The following ATP2A1 variants were observed in gnomAD, a reference collection of about 807,000 sequenced individuals.
ATP2A1 encodes the protein sarcoplasmic/endoplasmic reticulum calcium ATPase 1.
Under a neutral mutation model 109.5 loss-of-function variants are expected in ATP2A1, and 83 were observed. The ratio of observed to expected loss-of-function variants is 0.76; its 90% CI spans 0.63 to 0.91. The LOEUF is 0.91. Among genes scored for constraint, ATP2A1 ranks in the 40% least tolerant of loss-of-function variants. The probability of loss-of-function intolerance (pLI) is 0.00; values close to 1 mark genes in which losing one functional copy is unlikely to be tolerated. For missense variants in ATP2A1, 1,101 were observed against 1,341.0 expected (o/e 0.82, Z 2.80); for synonymous variants, 505 against 537.6 (o/e 0.94, Z 0.84).
Position 28,878,554 on chromosome 16 carries a change from G to A in ATP2A1, c.-118G>A, listed in dbSNP as rs1311328258. Reference sequence around the variant, plus strand: ...GGGAAGAAAAACCTGGAGGGGGCAGGAGAGTAAAAAGAAGAAACCCAGGCA... The same window carrying A: ...GGGAAGAAAAACCTGGAGGGGGCAGAAGAGTAAAAAGAAGAAACCCAGGCA... On this transcript the variant is annotated 5_prime_UTR_variant, in exon 1 of 23. Coordinates refer to ENST00000395503, the MANE Select transcript of ATP2A1 (RefSeq NM_004320.6). The A allele has an allele frequency of 3.4e-6, 3 of 882,888 alleles. No homozygotes were observed. The highest frequency in any genetic ancestry group is 5.5e-6 in the Non-Finnish European group (3 of 544,960). 54.7% of individuals were successfully genotyped at this position (882,888 alleles called of 1,614,324 possible). A position where few individuals can be genotyped will look rare whatever the true frequency, so the allele number is the denominator to read the frequency against.
Position 28,902,831 on chromosome 16 carries a change from T to A in ATP2A1, c.2664T>A (p.Cys888Ter). The change falls in exon 19 of 23, where the codon TGT becomes TGA. Residue 888 changes from cysteine (C) to a stop codon, truncating the protein, a stop_gained. Coordinates refer to ENST00000395503, the MANE Select transcript of ATP2A1 (RefSeq NM_004320.6). LOFTEE classifies it high-confidence loss of function. This position sits in a 1 kb window ranked among gnomAD's most constrained non-coding sequence, Gnocchi z 4.8. Reference protein sequence around the residue: ...EDNTHFEGIDCEVFEAPEPMT... With the variant: ...EDNTHFEGID ...ACACCCACTTTGAGGGCATAGACTG[T>A]GAGGTCTTCGAGGCCCCCGAGCCCA... 6.2e-7 allele frequency: 1 copy of A among 1,613,854 alleles called. No homozygotes were observed. Among genetic ancestry groups the A allele is most frequent in the East Asian group, 2.2e-5 (1 of 44,856 alleles).
At position 28,898,090 on chromosome 16, in the gene ATP2A1, T is replaced by G. The variant is rs746021467; in HGVS notation, c.1510T>G (p.Ser504Ala). ...TGTCTATTGCTCCCCAGCCAAATCT[T>G]CCCGGGCTGCTGTGGGCAACAAGAT... ...MSVYCSPAKS[S>A]RAAVGNKMFV... The change falls in exon 13 of 23, where the codon TCC becomes GCC. Residue 504 changes from serine (S) to alanine (A), a missense_variant. Transcript: ENST00000395503. The surrounding 1 kb of genome is among the most constrained non-coding windows in gnomAD (Gnocchi z 4.0). The G allele has an allele frequency of 8.7e-6, 14 of 1,613,984 alleles. No homozygotes were observed. The highest frequency in any genetic ancestry group is 1.2e-5 in the Non-Finnish European group (14 of 1,180,026).
Position 28,887,197 on chromosome 16 carries a change from G to T in ATP2A1, c.553G>T (p.Val185Leu), listed in dbSNP as rs776334546. The T allele has an allele frequency of 6.2e-7, 1 of 1,613,768 alleles. No individual in the cohort carries two copies. Residue 185 changes from valine to leucine, a missense_variant, in exon 7 of 23, where the codon GTA (valine) becomes TTA (leucine). Val to Leu is a conservative substitution (Grantham distance 32). Coordinates refer to ENST00000395503, the MANE Select transcript of ATP2A1 (RefSeq NM_004320.6). ...TGGCCCCTTCTCCACAGGCGAGTCT[G>T]TATCTGTCATCAAACACACGGAGCC... ...VDQSILTGESVSVIKHTEPVP... is the reference protein window; with the variant it reads ...VDQSILTGESLSVIKHTEPVP...
intron 14 of ATP2A1, among the ~76,000 whole-genome samples, chr16:28,900,163 T>A (rs1305160615): frequency 2.6e-5 from 4 of 151,170 alleles, no homozygotes; most frequent in Admixed American, 2.0e-4. Context: ...TAGCTGGACA[T>A]GTTGGTGCAT....
chr16:28,890,162 G>T (rs966321534), intron 9 of ATP2A1, among the ~76,000 whole-genome samples: 1 of 151,678 alleles, frequency 6.6e-6, no homozygotes, highest in Admixed American at 6.6e-5. Context: ...GAAATGAAAT[G>T]AAATAAAATA....
chr16:28,895,497 A>G (rs1050490075), intron 12 of ATP2A1, among the ~76,000 whole-genome samples: 1 of 151,882 alleles, frequency 6.6e-6, no homozygotes, highest in Non-Finnish European at 1.5e-5. Flanking sequence ...CTTTTTTTGT[A>G]TATGCAAAAT....
Position 28,898,031 on chromosome 16 carries a change from C to T in ATP2A1, c.1451C>T (p.Thr484Ile). The T allele has an allele frequency of 6.2e-7, 1 of 1,614,202 alleles. No homozygotes were observed. The highest frequency in any genetic ancestry group is 1.3e-5 in the African/African-American group (1 of 75,062). The part of the protein sequence containing the change: ...VIRQLMKKEF[T>I]LEFSRDRKSM... ...CGCCAGCTAATGAAGAAGGAATTCA[C>T]CCTGGAGTTCTCCCGAGACAGAAAG... The change falls in exon 13 of 23, where the codon ACC (threonine) becomes ATC (isoleucine). Residue 484 changes from threonine (T) to isoleucine (I), a missense_variant. By Grantham distance (89) the Thr-to-Ile change is moderately conservative. Transcript: ENST00000395503. This position sits in a 1 kb window ranked among gnomAD's most constrained non-coding sequence, Gnocchi z 4.0.
Position 28,881,801 on chromosome 16 carries a change from C to CAA in ATP2A1, c.325-637_325-636dup, listed in dbSNP as rs200479576. Among the ~76,000 whole-genome samples the CAA allele has an allele frequency of 2.9e-3, 378 of 129,756 alleles. 5 individuals are homozygous for CAA. Among genetic ancestry groups the CAA allele is most frequent in the Middle Eastern group, 7.7e-3 (2 of 260 alleles). The allele number at this position is 129,756 out of a possible 152,430, so 85.1% of individuals were successfully genotyped here. A position where few individuals can be genotyped will look rare whatever the true frequency, so the allele number is the denominator to read the frequency against. On this transcript the variant is annotated intron_variant, in intron 4 of 22. Coordinates refer to ENST00000395503, the MANE Select transcript of ATP2A1 (RefSeq NM_004320.6). ...TGGGCAACAGAGTGAGACCCAGTCT[C>CAA]AAAAAAAAAAAAAAGAGAGAAATAG...
Position 28,883,831 on chromosome 16 carries a change from A to C in ATP2A1, c.464-744A>C. Among the ~76,000 whole-genome samples, 2 of 151,032 alleles carry C rather than the reference A, an allele frequency of 1.3e-5. No homozygotes were observed. The highest frequency in any genetic ancestry group is 1.5e-5 in the Non-Finnish European group (1 of 67,782). ...CCCATCCTGTCTTGTCCATGTCCCC[A>C]GCTCACTCTCCCTGGCTCCCCGCCT... On this transcript the variant is annotated intron_variant, in intron 5 of 22. Coordinates refer to ENST00000395503, the MANE Select transcript of ATP2A1 (RefSeq NM_004320.6). The surrounding 1 kb of genome is among the most constrained non-coding windows in gnomAD (Gnocchi z 5.2).
intron 9 of ATP2A1, among the ~76,000 whole-genome samples, chr16:28,891,332 C>T (rs148261497): frequency 2.7e-5 from 4 of 149,426 alleles, no homozygotes; most frequent in Admixed American, 6.7e-5. Flanking sequence ...CAGTGGCTCA[C>T]GACTGTAATC....
chr16:28,902,472 G>C lies in ATP2A1; in HGVS notation c.2524+86G>C. On this transcript the variant is annotated intron_variant, in intron 17 of 22. Transcript: ENST00000395503. The surrounding 1 kb of genome is among the most constrained non-coding windows in gnomAD (Gnocchi z 4.8). ...ACCAGCTCCCCCATGCAGGTGCTGA[G>C]AGGGTCTTCTTCCTTGGCCAGCCTG... 1.9e-6 allele frequency: 3 copies of C among 1,569,816 alleles called. No individual in the cohort carries two copies. The highest frequency in any genetic ancestry group is 1.7e-6 in the Non-Finnish European group (2 of 1,147,766).
intron 4 of ATP2A1, among the ~76,000 whole-genome samples, chr16:28,881,881 T>C (rs530936021): frequency 7.2e-5 from 11 of 151,906 alleles, no homozygotes; most frequent in Non-Finnish European, 1.6e-4. Context: ...GTGTCTGTGG[T>C]GCTGACAGGT....
Position 28,878,715 on chromosome 16 carries a change from A to C in ATP2A1, c.44A>C (p.Tyr15Ser). The change falls in exon 1 of 23, where the codon TAT becomes TCT. Residue 15 changes from tyrosine (Y) to serine (S), a missense_variant. Tyr to Ser is a moderately radical substitution (Grantham distance 144, BLOSUM62 -2). Coordinates refer to ENST00000395503, the MANE Select transcript of ATP2A1 (RefSeq NM_004320.6). ...AAAACCACGGAGGAATGTTTGGCCT[A>C]TTTTGGGGTGAGTGAGACCACGGGC... ...HAKTTEECLAYFGVSETTGLT... is the reference protein window; with the variant it reads ...HAKTTEECLASFGVSETTGLT... 6.2e-7 allele frequency: 1 copy of C among 1,612,268 alleles called. No individual in the cohort carries two copies. Among genetic ancestry groups the C allele is most frequent in the Non-Finnish European group, 8.5e-7 (1 of 1,179,196 alleles).
At position 28,900,060 on chromosome 16, in the gene ATP2A1, C is replaced by T. The variant is rs117585079; in HGVS notation, c.1765-521C>T. On this transcript the variant is annotated intron_variant, in intron 14 of 22. Transcript: ENST00000395503. ...CTGTAATCGCAGCACATTGGGAGGC[C>T]GAGGCTGGAGGATCTGTTGAGCCCA... is the stretch of plus-strand genomic sequence containing the variant. Among the ~76,000 whole-genome samples, 17 of 151,434 alleles carry T rather than the reference C, an allele frequency of 1.1e-4. No individual in the cohort carries two copies. The East Asian group carries it at 2.9e-3, about 26-fold the overall frequency.
rs572563679 is a variant in ATP2A1 at position 28,891,819 on chromosome 16, C to T, written c.1096-2336C>T. 1.1e-4 allele frequency among the ~76,000 whole-genome samples: 15 copies of T among 141,708 alleles called. No individual in the cohort carries two copies. In the South Asian group the frequency reaches 3.0e-3, roughly 28 times the overall value. 93.0% of individuals were successfully genotyped at this position (141,708 alleles called of 152,430 possible). A position where few individuals can be genotyped will look rare whatever the true frequency, so the allele number is the denominator to read the frequency against. On this transcript the variant is annotated intron_variant, in intron 9 of 22. Transcript: ENST00000395503. The stretch of plus-strand genomic sequence containing the variant: ...GCTTGAACCCAGGAGGCGGAGGTTG[C>T]GGTGAGATTGCACCACTGCACTCCA...
chr16:28,899,268 T>G (rs925669886), intron 14 of ATP2A1, among the ~76,000 whole-genome samples: 2 of 152,228 alleles, frequency 1.3e-5, no homozygotes, highest in Non-Finnish European at 2.9e-5. Flanking sequence ...AGAGGATTTC[T>G]TCTAAGTTGT....
In ATP2A1 at chr16:28,904,204, G is replaced by GA; in HGVS notation, c.*63dup. 6.2e-7 allele frequency: 1 copy of GA among 1,613,312 alleles called. No individual in the cohort carries two copies. ...GATCCAGAAGATGAAAGAAGGAAGTGAGCATCCTTTTGCTCTGTCCTCCCC... is the reference window on the plus strand; with the variant it reads ...GATCCAGAAGATGAAAGAAGGAAGTGAAGCATCCTTTTGCTCTGTCCTCCCC... On this transcript the variant is annotated 3_prime_UTR_variant, in exon 23 of 23. Coordinates refer to ENST00000395503, the MANE Select transcript of ATP2A1 (RefSeq NM_004320.6).
rs1482869608 is a variant in ATP2A1 at position 28,888,706 on chromosome 16, G to A, written c.929-81G>A. On this transcript the variant is annotated intron_variant, in intron 8 of 22. Transcript: ENST00000395503. ...AGGTGTGCACCAACGTGCCCAGCTG[G>A]GGGCTACTATTTAGCCCCTTGCAGG... The A allele has an allele frequency of 4.0e-6, 6 of 1,518,782 alleles. No homozygotes were observed. In the East Asian group the frequency reaches 1.1e-4, roughly 29 times the overall value. The allele number at this position is 1,518,782 out of a possible 1,614,324, so 94.1% of individuals were successfully genotyped here.
chr16:28,884,365 C>T (rs1045541287), intron 5 of ATP2A1, among the ~76,000 whole-genome samples: 5 of 152,114 alleles, frequency 3.3e-5, no homozygotes, highest in African/African-American at 1.2e-4. Flanking sequence ...CTCCATCTCG[C>T]CGTGGACACG....
Sources: allele counts gnomAD v4.1 joint callset (sites outside exome capture counted in the v4.1 genomes callset), GRCh38; gene constraint gnomAD v4.1.1; non-coding constraint Gnocchi (gnomAD v3.1); transcripts MANE v1.5; gene names NCBI Gene and HGNC (gene_info 2026-07-23, HGNC 2026-07-21).